The following UPF2 variants were observed in gnomAD, a reference collection of about 807,000 sequenced individuals.
UPF2 encodes regulator of nonsense transcripts 2.
A neutral mutation model predicts 141.4 loss-of-function variants in UPF2; 17 were observed. The observed-to-expected ratio is 0.12, with a 90% CI of 0.08 to 0.18. The LOEUF (loss-of-function observed/expected upper bound fraction) is 0.18, where lower values mean the gene tolerates loss of function less well. Ranked by LOEUF, UPF2 falls within the 10% of genes least tolerant of loss-of-function variation. The probability of loss-of-function intolerance (pLI) is 1.00; values close to 1 mark genes in which losing one functional copy is unlikely to be tolerated. For synonymous variants in UPF2, 540 were observed against 498.0 expected, an observed-to-expected ratio of 1.08 and a Z score of -1.12; for missense variants, 1,152 against 1,515.9, an observed-to-expected ratio of 0.76 and a Z score of 3.99.
intron 3 of UPF2, among the ~76,000 whole-genome samples, chr10:12,017,026 A>G (rs1834234733): frequency 6.6e-6 from 1 of 152,074 alleles, no homozygotes; most frequent in Admixed American, 6.6e-5. Flanking sequence ...TCTCGGAAAA[A>G]AAAAAAAAAA....
Position 11,956,839 on chromosome 10 carries a change from C to G in UPF2, c.2371-316G>C, listed in dbSNP as rs980085069. Reference sequence around the variant, plus strand: ...TTGGAGTAGGTTTCTTTTTCCCCCCCAGACACAGTCTCACTCTGTCACCCA... The same window carrying G: ...TTGGAGTAGGTTTCTTTTTCCCCCCGAGACACAGTCTCACTCTGTCACCCA... On this transcript the variant is annotated intron_variant, in intron 12 of 21. Coordinates refer to ENST00000357604, the MANE Select transcript of UPF2 (RefSeq NM_015542.4). This position sits in a 1 kb window ranked among gnomAD's most constrained non-coding sequence, Gnocchi z 4.2. 2.0e-5 allele frequency among the ~76,000 whole-genome samples: 3 copies of G among 151,930 alleles called. No individual in the cohort carries two copies. The highest frequency in any genetic ancestry group is 2.9e-5 in the Non-Finnish European group (2 of 67,960).
At chr10:12,002,908 A>C (rs1007110995) in intron 5 of UPF2, among the ~76,000 whole-genome samples, 3 of 152,232 alleles carry the variant, frequency 2.0e-5, no homozygotes, top group African/African-American at 7.2e-5. Context: ...ATGTATACTT[A>C]AATTGAAAGT....
At chr10:11,969,300 C>T (rs1226093799) in intron 9 of UPF2, among the ~76,000 whole-genome samples, 1 of 149,736 alleles carries the variant, frequency 6.7e-6, no homozygotes, top group African/African-American at 2.5e-5. Context: ...CTCCCGAGTA[C>T]CTGGGATTAC....
chr10:12,004,543 T>G lies in UPF2; in HGVS notation c.1491A>C (p.Lys497Asn), dbSNP rs184965931. Residue 497 changes from lysine to asparagine, a missense_variant, in exon 5 of 22, where the codon AAA (lysine) becomes AAC (asparagine). Around this residue, in one of 4 missense-constraint regions of UPF2, gnomAD observed 739 missense variants for 1,032.2 expected, o/e 0.72. Coordinates refer to ENST00000357604, the MANE Select transcript of UPF2 (RefSeq NM_015542.4). The part of the protein sequence containing the change: ...EKSCQNKESN[K>N]DDTKEAKESK... ...TCTAGAATTTACCTTTGGTATCATCTTTGTTGGACTCTTTATTCTGACAAC... is the reference window on the plus strand; with the variant it reads ...TCTAGAATTTACCTTTGGTATCATCGTTGTTGGACTCTTTATTCTGACAAC... The G allele has an allele frequency of 2.1e-5, 34 of 1,611,744 alleles. No individual in the cohort carries two copies. In the Admixed American group the frequency reaches 3.5e-4, roughly 17 times the overall value.
At chr10:11,922,049 G>A (rs1832651989) in intron 21 of UPF2, among the ~76,000 whole-genome samples, 1 of 152,148 alleles carries the variant, frequency 6.6e-6, no homozygotes, top group African/African-American at 2.4e-5. Flanking sequence ...CACACACAGG[G>A]GGAAAAGGCC....
chr10:11,964,605 ATTGTATCATTTAATCAC>A (rs1833290999), intron 10 of UPF2, among the ~76,000 whole-genome samples: 1 of 152,188 alleles, frequency 6.6e-6, no homozygotes, highest in Non-Finnish European at 1.5e-5. Flanking sequence ...TTTGGTTTCT[ATTGTATCATTTAATCAC>A]TTGGTTCTTC....
Position 12,004,511 on chromosome 10 carries a change from T to A in UPF2, c.1504+19A>T. 1 of 1,579,460 alleles carries A rather than the reference T, an allele frequency of 6.3e-7. No homozygotes were observed. The highest frequency in any genetic ancestry group is 2.2e-5 in the East Asian group (1 of 44,514). ...ATTCTTATAGCACTTAATGTAAATA[T>A]TTTTTCTCTAGAATTTACCTTTGGT... On this transcript the variant is annotated intron_variant, in intron 5 of 21. Transcript: ENST00000357604.
At chr10:11,932,830 A>C (rs1832799030) in intron 19 of UPF2, among the ~76,000 whole-genome samples, 1 of 152,190 alleles carries the variant, frequency 6.6e-6, no homozygotes, top group Non-Finnish European at 1.5e-5. Context: ...CCAAGTTACT[A>C]TGACATGTAA....
intron 3 of UPF2, among the ~76,000 whole-genome samples, chr10:12,021,379 A>AAAAAAAAAT (rs112914825): frequency 2.0e-5 from 3 of 147,258 alleles, no homozygotes; most frequent in South Asian, 2.2e-4. Context: ...AAAAAAAAAA[A>AAAAAAAAAT]TTTTTTTAAA....
At chr10:11,949,912 T>A (rs964998478) in intron 15 of UPF2, among the ~76,000 whole-genome samples, 1 of 152,192 alleles carries the variant, frequency 6.6e-6, no homozygotes, top group Admixed American at 6.5e-5. Context: ...GTGAAACAGC[T>A]GTATTAAGTA....
At position 11,998,837 on chromosome 10, in the gene UPF2, G is replaced by A. The variant is rs992326873; in HGVS notation, c.1758+1069C>T. Among the ~76,000 whole-genome samples, 57 of 151,986 alleles carry A rather than the reference G, an allele frequency of 3.8e-4. No homozygotes were observed. Among genetic ancestry groups the A allele is most frequent in the African/African-American group, 1.3e-3 (54 of 41,370 alleles). On this transcript the variant is annotated intron_variant, in intron 7 of 21. Coordinates refer to ENST00000357604, the MANE Select transcript of UPF2 (RefSeq NM_015542.4). The surrounding 1 kb of genome is among the most constrained non-coding windows in gnomAD (Gnocchi z 4.5). ...CCACTGCACTCCAGCCTGGGCAACA[G>A]AGCAAGACTCCGTCTCAAAAAAATA...
In UPF2 at chr10:12,020,227, T is replaced by C. The variant is rs546472459; in HGVS notation, c.1146-6043A>G. ...CTTCATTTTATTAATTTTTGCTTTGTATTATCCTAAAAAATAAATTTTATT... is the reference window on the plus strand; with the variant it reads ...CTTCATTTTATTAATTTTTGCTTTGCATTATCCTAAAAAATAAATTTTATT... On this transcript the variant is annotated intron_variant, in intron 3 of 21. Transcript: ENST00000357604. 3.9e-5 allele frequency among the ~76,000 whole-genome samples: 6 copies of C among 152,020 alleles called. No homozygotes were observed. The South Asian group carries it at 1.2e-3, about 32-fold the overall frequency.
At chr10:11,981,823 T>C (rs903701862) in intron 8 of UPF2, among the ~76,000 whole-genome samples, 1 of 152,132 alleles carries the variant, frequency 6.6e-6, no homozygotes, top group African/African-American at 2.4e-5. Flanking sequence ...GTAGCTGGGA[T>C]TACAGGCAAG....
intron 9 of UPF2, among the ~76,000 whole-genome samples, chr10:11,969,685 CTT>C (rs1833383232): frequency 6.6e-6 from 1 of 152,274 alleles, no homozygotes; most frequent in African/African-American, 2.4e-5. Context: ...AAAAACTTCT[CTT>C]ATTAATTTAC....
At chr10:11,974,364 T>C (rs1833470495) in intron 9 of UPF2, among the ~76,000 whole-genome samples, 2 of 152,128 alleles carry the variant, frequency 1.3e-5, no homozygotes, top group South Asian at 4.1e-4. Flanking sequence ...TTGAATACCC[T>C]TTACTTCTTT....
At chr10:11,949,423 A>G (rs932857457) in intron 15 of UPF2, among the ~76,000 whole-genome samples, 2 of 152,212 alleles carry the variant, frequency 1.3e-5, no homozygotes, top group African/African-American at 4.8e-5. Context: ...TGAACTGTCA[A>G]TGAGTACTTC....
intron 11 of UPF2, among the ~76,000 whole-genome samples, chr10:11,962,029 T>C (rs1460921263): frequency 2.0e-5 from 3 of 152,176 alleles, no homozygotes; most frequent in Non-Finnish European, 2.9e-5. Flanking sequence ...CTCCCATGTT[T>C]AAAAGAGCTA....
chr10:12,033,443 G>A (rs187482956), intron 2 of UPF2, among the ~76,000 whole-genome samples: 259 of 152,264 alleles, frequency 1.7e-3, no homozygotes, highest in African/African-American at 5.7e-3. Context: ...TGTGGTGGGA[G>A]GATGGCTTGA....
rs1223601907 is a variant in UPF2 at position 11,997,762 on chromosome 10, T to C, written c.1759-5A>G. ...CATGCAAAAATCCATTGCTGCCTATTGGGAAAAAGTAAACTTTTTCTTTAA... is the reference window on the plus strand; with the variant it reads ...CATGCAAAAATCCATTGCTGCCTATCGGGAAAAAGTAAACTTTTTCTTTAA... On this transcript the variant is annotated splice_polypyrimidine_tract_variant and splice_region_variant and intron_variant, in intron 7 of 21. Transcript: ENST00000357604. The C allele has an allele frequency of 1.2e-6, 2 of 1,613,652 alleles. No individual in the cohort carries two copies. The highest frequency in any genetic ancestry group is 1.7e-5 in the Admixed American group (1 of 60,020).
Sources: gnomAD v4.1 joint callset for allele counts (sites outside exome capture counted in the v4.1 genomes callset) on GRCh38, gnomAD v4.1.1 for gene constraint, gnomAD v4.1.1 regional missense constraint, Gnocchi (gnomAD v3.1) non-coding constraint, MANE v1.5 for transcripts, NCBI Gene and HGNC (gene_info 2026-07-23, HGNC 2026-07-21) for gene names.